Variants in SORCS1 observed in about 807,000 individuals in gnomAD.
SORCS1 encodes VPS10 domain-containing receptor SorCS1.
Under a neutral mutation model 146.1 loss-of-function variants are expected in SORCS1, and 60 were observed. That is an observed-to-expected ratio of 0.41 (90% CI 0.33 to 0.51). The LOEUF (loss-of-function observed/expected upper bound fraction) is 0.51. Among genes scored for constraint, SORCS1 ranks in the 20% least tolerant of loss-of-function variants. The pLI, the probability that SORCS1 is intolerant of heterozygous loss-of-function variation, is 0.21. For synonymous variants in SORCS1, 637 were observed against 584.0 expected (o/e 1.09, Z -1.31); for missense variants, 1,352 against 1,487.6 (o/e 0.91, Z 1.50).
chr10:107,103,558 A>C (rs1590144453), intron 1 of SORCS1, among the ~76,000 whole-genome samples: 1 of 152,310 alleles, frequency 6.6e-6, no homozygotes, highest in South Asian at 2.1e-4. Context: ...AGAGTGCCTA[A>C]GGCTTGAAAA....
intron 1 of SORCS1, among the ~76,000 whole-genome samples, chr10:107,031,481 A>ACT (rs61187855): frequency 0.12 from 18,770 of 152,142 alleles, 3,629 homozygotes; most frequent in African/African-American, 0.41. Flanking sequence ...GCCTTGAATG[A>ACT]CTATTTCCAT....
At chr10:107,123,938 T>A (rs1206452811) in intron 1 of SORCS1, among the ~76,000 whole-genome samples, 15 of 142,290 alleles carry the variant, frequency 1.1e-4, no homozygotes, top group Admixed American at 6.2e-4. Flanking sequence ...AAAAAAAAAA[T>A]GAGCTGGGCG....
intron 5 of SORCS1, among the ~76,000 whole-genome samples, chr10:106,740,232 T>C (rs1447814767): frequency 1.3e-5 from 2 of 152,274 alleles, no homozygotes; most frequent in African/African-American, 4.8e-5. Context: ...AAGTATCTTC[T>C]TCCCACACCT....
intron 1 of SORCS1, among the ~76,000 whole-genome samples, chr10:107,131,446 G>T (rs144057647): frequency 7.1e-4 from 108 of 152,298 alleles, no homozygotes; most frequent in African/African-American, 2.5e-3. Context: ...CTTTTGGCCC[G>T]ATGCAGTGGC....
At chr10:107,139,816 T>C (rs559827270) in intron 1 of SORCS1, among the ~76,000 whole-genome samples, 3 of 152,204 alleles carry the variant, frequency 2.0e-5, no homozygotes, top group Non-Finnish European at 4.4e-5. Flanking sequence ...AACTGGATCA[T>C]ATTCAGCAGC....
At position 106,943,084 on chromosome 10, in the gene SORCS1, T is replaced by G. The variant is rs146838547; in HGVS notation, c.626+13429A>C. Among the ~76,000 whole-genome samples, 24 of 152,320 alleles carry G rather than the reference T, an allele frequency of 1.6e-4. No homozygotes were observed. In the East Asian group the frequency reaches 4.6e-3, roughly 29 times the overall value. On this transcript the variant is annotated intron_variant, in intron 2 of 25. Coordinates refer to ENST00000263054, the MANE Select transcript of SORCS1 (RefSeq NM_052918.5). ...AGTGGGCATCACTAGGACAGACAGA[T>G]GTACCTTCTCAGCCACCTGTTACCC...
chr10:106,675,252 T>C, intron 13 of SORCS1, 96 bp from the exon 14 acceptor site: 2 of 842,424 alleles, frequency 2.4e-6, no homozygotes, highest in East Asian at 5.3e-5. Flanking sequence ...TAATACATTT[T>C]AAAAGTAGCT....
intron 2 of SORCS1, among the ~76,000 whole-genome samples, 200 bp downstream of exon 2, chr10:106,956,313 T>C (rs899806192): frequency 6.6e-6 from 1 of 152,034 alleles, no homozygotes; most frequent in African/African-American, 2.4e-5. Context: ...ACTAAAAGAA[T>C]TGGTCTATAA....
In SORCS1 at chr10:106,810,922, T is replaced by G. The variant is rs974891387; in HGVS notation, c.726+18652A>C. 4.6e-5 allele frequency among the ~76,000 whole-genome samples: 7 copies of G among 151,190 alleles called. No individual in the cohort carries two copies. In the South Asian group the frequency reaches 1.5e-3, roughly 32 times the overall value. On this transcript the variant is annotated intron_variant, in intron 3 of 25. Coordinates refer to ENST00000263054, the MANE Select transcript of SORCS1 (RefSeq NM_052918.5). ...CTAGTTTTTATGTCAAAGGGACAAA[T>G]GGAGAAAAAGGGTATAATTTCTTTT...
At chr10:106,762,586 A>T (rs1156991775) in intron 4 of SORCS1, among the ~76,000 whole-genome samples, 1 of 150,314 alleles carries the variant, frequency 6.7e-6, no homozygotes, top group Non-Finnish European at 1.5e-5. Context: ...TTTAGTAGAG[A>T]TGGGGTTTCA....
chr10:106,923,040 G>A (rs1014967376), intron 2 of SORCS1, among the ~76,000 whole-genome samples: 3 of 151,942 alleles, frequency 2.0e-5, no homozygotes, highest in Non-Finnish European at 2.9e-5. Context: ...AGGCGCACAC[G>A]CCACCACACC....
At chr10:107,141,482 GT>G (rs78840572) in intron 1 of SORCS1, among the ~76,000 whole-genome samples, 13,672 of 152,176 alleles carry the variant, frequency 0.09, 861 homozygotes, top group East Asian at 0.33. Flanking sequence ...AAAGGTAGTA[GT>G]TATGTAACAC....
chr10:106,830,108 G>A (rs537298147), intron 2 of SORCS1, among the ~76,000 whole-genome samples: 1 of 152,142 alleles, frequency 6.6e-6, no homozygotes, highest in Non-Finnish European at 1.5e-5. Flanking sequence ...ATATATGGTG[G>A]GTCAGTCCCT....
At chr10:106,785,937 G>A (rs1461053253) in intron 3 of SORCS1, among the ~76,000 whole-genome samples, 1 of 152,172 alleles carries the variant, frequency 6.6e-6, no homozygotes, top group Non-Finnish European at 1.5e-5. Context: ...GATGAGAGGT[G>A]GAAAAGGGTC....
chr10:107,079,055 C>T (rs1401155861), intron 1 of SORCS1, among the ~76,000 whole-genome samples: 1 of 152,122 alleles, frequency 6.6e-6, no homozygotes, highest in African/African-American at 2.4e-5. Context: ...GAAACCACGT[C>T]TCTACTAAAA....
chr10:106,949,378 T>C (rs900714006), intron 2 of SORCS1, among the ~76,000 whole-genome samples: 2 of 152,098 alleles, frequency 1.3e-5, no homozygotes, highest in African/African-American at 4.8e-5. Flanking sequence ...GGACGTGGCG[T>C]GGAGGAGAAG....
At chr10:106,746,448 T>C (rs1857751916) in intron 5 of SORCS1, among the ~76,000 whole-genome samples, 2 of 152,234 alleles carry the variant, frequency 1.3e-5, no homozygotes, top group African/African-American at 2.4e-5. Flanking sequence ...AAGAGGAAAG[T>C]AATCTATTCA....
chr10:107,173,162 T>A, the SORCS1 span, among the ~76,000 whole-genome samples: 1 of 152,204 alleles, frequency 6.6e-6, no homozygotes, highest in Non-Finnish European at 1.5e-5. Flanking sequence ...TAACTATACA[T>A]TAATTTTGCT....
chr10:106,833,030 GGTGA>G (rs1252000699), intron 2 of SORCS1, among the ~76,000 whole-genome samples: 2 of 151,910 alleles, frequency 1.3e-5, no homozygotes, highest in African/African-American at 2.4e-5. Flanking sequence ...TGGGTGAGTG[GGTGA>G]GTATTAAACT....
Sources: allele counts gnomAD v4.1 joint callset (sites outside exome capture counted in the v4.1 genomes callset), GRCh38; gene constraint gnomAD v4.1.1; transcripts MANE v1.5; gene names NCBI Gene and HGNC (gene_info 2026-07-23, HGNC 2026-07-21).